The following CADPS variants were observed in gnomAD, a reference collection of about 807,000 sequenced individuals.
CADPS encodes the protein calcium dependent secretion activator.
In CADPS, 57 loss-of-function variants were observed where a neutral mutation model predicts 167.3. The observed-to-expected ratio is 0.34, with a 90% CI of 0.28 to 0.42. The LOEUF is 0.42. CADPS is among the 20% of genes least tolerant of loss of function. The pLI is 1.00. For synonymous variants in CADPS, 676 were observed against 635.3 expected (o/e 1.06, Z -0.96); for missense variants, 1,414 against 1,738.1 (o/e 0.81, Z 3.32).
At chr3:62,746,282 A>T (rs1025473402) in intron 3 of CADPS, among the ~76,000 whole-genome samples, 1 of 152,178 alleles carries the variant, frequency 6.6e-6, no homozygotes, top group Non-Finnish European at 1.5e-5. Context: ...AGTTGACTCT[A>T]AATTAATCTA....
At chr3:62,481,377 C>T (rs544247857) in intron 22 of CADPS, among the ~76,000 whole-genome samples, 1 of 152,288 alleles carries the variant, frequency 6.6e-6, no homozygotes, top group African/African-American at 2.4e-5. Flanking sequence ...GATGACTGGC[C>T]AGCCCACCAA....
At chr3:62,511,668 T>C (rs1466431056) in intron 17 of CADPS, among the ~76,000 whole-genome samples, 1 of 152,136 alleles carries the variant, frequency 6.6e-6, no homozygotes, top group Admixed American at 6.6e-5. Flanking sequence ...AAGATGCAGT[T>C]CAATCCTTAC....
intron 1 of CADPS, among the ~76,000 whole-genome samples, chr3:62,773,215 A>G (rs1030412883): frequency 1.3e-5 from 2 of 152,142 alleles, no homozygotes. Context: ...ACCAGACTAA[A>G]TATTTTCTAC....
At chr3:62,666,055 T>C (rs1405451458) in intron 3 of CADPS, among the ~76,000 whole-genome samples, 3 of 152,312 alleles carry the variant, frequency 2.0e-5, no homozygotes, top group Middle Eastern at 3.4e-3. Context: ...ACAGTGTCCC[T>C]CACTGGCGTG....
At chr3:62,593,359 T>C (rs2086504871) in intron 6 of CADPS, among the ~76,000 whole-genome samples, 1 of 152,194 alleles carries the variant, frequency 6.6e-6, no homozygotes, top group Non-Finnish European at 1.5e-5. Flanking sequence ...GTCTCAGTTT[T>C]CCACACACGG....
At chr3:62,502,843 G>T (rs1003310732) in intron 17 of CADPS, among the ~76,000 whole-genome samples, 2 of 152,122 alleles carry the variant, frequency 1.3e-5, no homozygotes, top group East Asian at 3.9e-4. Context: ...CAGGGGAGCT[G>T]CTTGGGTAGG....
chr3:62,645,282 C>T (rs567041137), intron 6 of CADPS, among the ~76,000 whole-genome samples: 91 of 152,194 alleles, frequency 6.0e-4, no homozygotes, highest in Non-Finnish European at 1.1e-3. Flanking sequence ...CAAGATCTCC[C>T]AAATCACCAC....
chr3:62,522,447 G>A (rs983878008), intron 13 of CADPS, among the ~76,000 whole-genome samples: 1 of 152,016 alleles, frequency 6.6e-6, no homozygotes, highest in East Asian at 1.9e-4. Context: ...CCTGACACTG[G>A]CATTTTTAAG....
intron 28 of CADPS, among the ~76,000 whole-genome samples, chr3:62,405,461 A>AT (rs200242553): frequency 0.01 from 893 of 89,004 alleles, 9 homozygotes; most frequent in East Asian, 0.07. Flanking sequence ...AAAAAAAAAA[A>AT]AAATAAAATA....
At position 62,626,134 on chromosome 3, in the gene CADPS, C is replaced by T. The variant is rs115503772; in HGVS notation, c.1325+19588G>A. On this transcript the variant is annotated intron_variant, in intron 6 of 29. Coordinates refer to ENST00000383710, the MANE Select transcript of CADPS (RefSeq NM_003716.4). ...AATAAAATTCAGAGAAAAGTGAGAGCCTCTGTTAAATGTTCTCTTCCCCTG... is the reference window on the plus strand; with the variant it reads ...AATAAAATTCAGAGAAAAGTGAGAGTCTCTGTTAAATGTTCTCTTCCCCTG... 2.2e-3 allele frequency: 355 copies of T among 161,340 alleles called. 21 individuals are homozygous for T. The highest frequency in any genetic ancestry group is 8.2e-3 in the African/African-American group (335 of 40,774). The allele number at this position is 161,340 out of a possible 1,614,324, so 10.0% of individuals were successfully genotyped here.
chr3:62,863,083 G>A (rs1224965079), intron 1 of CADPS, among the ~76,000 whole-genome samples: 1 of 152,122 alleles, frequency 6.6e-6, no homozygotes, highest in African/African-American at 2.4e-5. Flanking sequence ...CCTATTTATT[G>A]AACACCTATT....
chr3:62,685,091 G>A (rs2077766391), intron 3 of CADPS, among the ~76,000 whole-genome samples: 1 of 151,898 alleles, frequency 6.6e-6, no homozygotes, highest in African/African-American at 2.4e-5. Context: ...AGATAGTAAG[G>A]GATTCACCCA....
intron 9 of CADPS, among the ~76,000 whole-genome samples, chr3:62,567,636 G>T (rs754273582): frequency 8.1e-6 from 1 of 123,052 alleles, no homozygotes; most frequent in Non-Finnish European, 1.6e-5. Context: ...ATGCAGTGGC[G>T]CAATCTCAGC....
chr3:62,772,064 G>C (rs1162861018), intron 1 of CADPS, among the ~76,000 whole-genome samples: 1 of 151,712 alleles, frequency 6.6e-6, no homozygotes, highest in Non-Finnish European at 1.5e-5. Flanking sequence ...AAACTAGGTG[G>C]GATAATATAC....
At chr3:62,494,107 G>C (rs992819558) in intron 18 of CADPS, among the ~76,000 whole-genome samples, 2 of 152,158 alleles carry the variant, frequency 1.3e-5, no homozygotes, top group Admixed American at 1.3e-4. Flanking sequence ...TGAGAAAGTT[G>C]AGATCAAGTT....
chr3:62,751,303 T>C (rs1472404647), intron 3 of CADPS, among the ~76,000 whole-genome samples: 1 of 152,228 alleles, frequency 6.6e-6, no homozygotes, highest in African/African-American at 2.4e-5. Flanking sequence ...TGTATTTTTG[T>C]ATGTATAAAT....
chr3:62,497,741 C>T (rs2065058833), intron 18 of CADPS, among the ~76,000 whole-genome samples: 1 of 152,120 alleles, frequency 6.6e-6, no homozygotes, highest in African/African-American at 2.4e-5. Context: ...ATATGATTCA[C>T]ATAGAGACGG....
chr3:62,808,754 A>G (rs961177253), intron 1 of CADPS, among the ~76,000 whole-genome samples: 1 of 151,884 alleles, frequency 6.6e-6, no homozygotes, highest in African/African-American at 2.4e-5. Context: ...TGCAAATACC[A>G]CTCAAAACTG....
chr3:62,607,933 G>C (rs1408418838), intron 6 of CADPS, among the ~76,000 whole-genome samples: 3 of 152,240 alleles, frequency 2.0e-5, no homozygotes, highest in African/African-American at 4.8e-5. Flanking sequence ...ATGCCCTTCA[G>C]TAAGGACTGA....
Sources: gnomAD v4.1 joint callset for allele counts (sites outside exome capture counted in the v4.1 genomes callset) on GRCh38, gnomAD v4.1.1 for gene constraint, MANE v1.5 for transcripts, NCBI Gene and HGNC (gene_info 2026-07-23, HGNC 2026-07-21) for gene names.